Variants in KLF6 observed in about 807,000 individuals in gnomAD.
The protein encoded by KLF6 is KLF transcription factor 6.
For synonymous variants in KLF6, 152 were observed against 147.9 expected, an observed-to-expected ratio of 1.03 and a Z score of -0.20; for missense variants, 233 against 359.8, an observed-to-expected ratio of 0.65 and a Z score of 2.85.
Position 3,776,961 on chromosome 10 carries a change from T to A in KLF6, c.*2578A>T. ...TTTTTTTTTTGTCTTTTGCTTACCTTCTTGCTTAATGGAATTGTTATGGCT... is the reference window on the plus strand; with the variant it reads ...TTTTTTTTTTGTCTTTTGCTTACCTACTTGCTTAATGGAATTGTTATGGCT... On this transcript the variant is annotated 3_prime_UTR_variant, in exon 4 of 4. Coordinates refer to ENST00000497571, the MANE Select transcript of KLF6 (RefSeq NM_001300.6). The A allele has an allele frequency of 3.8e-6, 2 of 519,788 alleles. No individual in the cohort carries two copies. Among genetic ancestry groups the A allele is most frequent in the Non-Finnish European group, 7.5e-6 (2 of 267,782 alleles). 32.2% of individuals were successfully genotyped at this position (519,788 alleles called of 1,614,324 possible).
At chr10:3,783,609 C>T (rs3793919) in intron 1 of KLF6, among the ~76,000 whole-genome samples, 14,433 of 152,288 alleles carry the variant, frequency 0.095, 896 homozygotes, top group Non-Finnish European at 0.13. Flanking sequence ...CCCCCGAAAC[C>T]AGGCGTCTGA....
In KLF6 at chr10:3,781,962, G is replaced by A. The variant is rs757426719; in HGVS notation, c.355C>T (p.Leu119Phe). 1.9e-6 allele frequency: 3 copies of A among 1,614,218 alleles called. No homozygotes were observed. The highest frequency in any genetic ancestry group is 2.2e-5 in the South Asian group (2 of 91,082). ...GAGGTAAACTTGGCCGTGGGAGAAA[G>A]TTCCTCGGAGCTGTCAGAGGATTCG... ...SSESSDSSEE[L>F]SPTAKFTSDP... is the part of the protein sequence containing the mutation. The change falls in exon 2 of 4, where the codon CTT (leucine) becomes TTT (phenylalanine). Residue 119 changes from leucine (L) to phenylalanine (F), a missense_variant. Leu to Phe is a conservative substitution (Grantham distance 22). Transcript: ENST00000497571. This position sits in a 1 kb window ranked among gnomAD's most constrained non-coding sequence, Gnocchi z 5.8.
rs183568609 is a variant in KLF6, at chr10:3,785,169, C to A, written c.-155G>T. On this transcript the variant is annotated 5_prime_UTR_variant, in exon 1 of 4. Transcript: ENST00000497571. ...CCGGACCCTCCCGCAGCCCGCAGCG[C>A]GCGGAGCCCACACAATATTTGCAAA... is the stretch of plus-strand genomic sequence containing the variant. 3.3e-5 allele frequency: 48 copies of A among 1,460,660 alleles called. 1 individual carries two copies. In the African/African-American group the frequency reaches 6.1e-4, roughly 19 times the overall value. The allele number at this position is 1,460,660 out of a possible 1,614,324, so 90.5% of individuals were successfully genotyped here. A position where few individuals can be genotyped will look rare whatever the true frequency, so the allele number is the denominator to read the frequency against.
Position 3,776,932 on chromosome 10 carries a change from C to CTTTT in KLF6, c.*2603_*2606dup. 2.6e-5 allele frequency: 11 copies of CTTTT among 417,578 alleles called. No individual in the cohort carries two copies. Among genetic ancestry groups the CTTTT allele is most frequent in the Non-Finnish European group, 3.7e-5 (8 of 217,014 alleles). The allele number at this position is 417,578 out of a possible 1,614,324, so 25.9% of individuals were successfully genotyped here. ...AAGCCAGTGCAAGTTTTTTTTTTTC[C>CTTTT]TTTTTTTTTTTTTGTCTTTTGCTTA... On this transcript the variant is annotated 3_prime_UTR_variant, in exon 4 of 4. Coordinates refer to ENST00000497571, the MANE Select transcript of KLF6 (RefSeq NM_001300.6).
Position 3,778,870 on chromosome 10 carries a change from A to G in KLF6, c.*669T>C, listed in dbSNP as rs1298018707. The G allele has an allele frequency of 1.9e-6, 1 of 534,260 alleles. No individual in the cohort carries two copies. Among genetic ancestry groups the G allele is most frequent in the Non-Finnish European group, 3.6e-6 (1 of 276,354 alleles). The allele number at this position is 534,260 out of a possible 1,614,324, so 33.1% of individuals were successfully genotyped here. ...TGAGCTATGTTGTAGCGTGTAAAAC[A>G]AGCTACTTGACACATTGCACATTTA... is the stretch of plus-strand genomic sequence containing the variant. On this transcript the variant is annotated 3_prime_UTR_variant, in exon 4 of 4. Coordinates refer to ENST00000497571, the MANE Select transcript of KLF6 (RefSeq NM_001300.6).
At position 3,776,465 on chromosome 10, in the gene KLF6, T is replaced by C. The variant is rs1832377884; in HGVS notation, c.*3074A>G. The C allele has an allele frequency of 7.5e-6, 4 of 531,408 alleles. No homozygotes were observed. The highest frequency in any genetic ancestry group is 1.5e-5 in the Non-Finnish European group (4 of 274,624). 32.9% of individuals were successfully genotyped at this position (531,408 alleles called of 1,614,324 possible). A position where few individuals can be genotyped will look rare whatever the true frequency, so the allele number is the denominator to read the frequency against. On this transcript the variant is annotated 3_prime_UTR_variant, in exon 4 of 4. Transcript: ENST00000497571. ...TTCTCAGGGTTGCTCAATGAAGATT[T>C]GCCCCCAGGAGGAAGCCAGGGTGAT...
rs1166702088 is a variant in KLF6 at position 3,776,426 on chromosome 10, A to G, written c.*3113T>C. 4 of 531,912 alleles carry G rather than the reference A, an allele frequency of 7.5e-6. No homozygotes were observed. The highest frequency in any genetic ancestry group is 7.5e-5 in the African/African-American group (4 of 53,664). 32.9% of individuals were successfully genotyped at this position (531,912 alleles called of 1,614,324 possible). A position where few individuals can be genotyped will look rare whatever the true frequency, so the allele number is the denominator to read the frequency against. On this transcript the variant is annotated 3_prime_UTR_variant, in exon 4 of 4. Coordinates refer to ENST00000497571, the MANE Select transcript of KLF6 (RefSeq NM_001300.6). ...AGGCTGTGGAAAGAGGAAGGGGCTG[A>G]GGTCGGTGAGTTGTTCTCAGGGTTG...
rs1016927624 is a variant in KLF6 at position 3,779,281 on chromosome 10, C to A, written c.*258G>T. ...TTAGCATTCTCAGTGTGCATGCTCA[C>A]GGCAAAGGCTTAGGCGCCGCTCGGA... On this transcript the variant is annotated 3_prime_UTR_variant, in exon 4 of 4. Coordinates refer to ENST00000497571, the MANE Select transcript of KLF6 (RefSeq NM_001300.6). 1 of 638,768 alleles carries A rather than the reference C, an allele frequency of 1.6e-6. No individual in the cohort carries two copies. The highest frequency in any genetic ancestry group is 2.9e-6 in the Non-Finnish European group (1 of 344,984). The allele number at this position is 638,768 out of a possible 1,614,324, so 39.6% of individuals were successfully genotyped here.
Position 3,779,237 on chromosome 10 carries a change from C to T in KLF6, c.*302G>A, listed in dbSNP as rs1424082373. The T allele has an allele frequency of 3.4e-6, 2 of 585,836 alleles. No homozygotes were observed. The highest frequency in any genetic ancestry group is 6.4e-6 in the Non-Finnish European group (2 of 310,832). The allele number at this position is 585,836 out of a possible 1,614,324, so 36.3% of individuals were successfully genotyped here. A position where few individuals can be genotyped will look rare whatever the true frequency, so the allele number is the denominator to read the frequency against. On this transcript the variant is annotated 3_prime_UTR_variant, in exon 4 of 4. Transcript: ENST00000497571. ...CATACGGTCAGTAATAGATCCTCAACATACAATCAACCCAACCATTAGCAT... is the reference window on the plus strand; with the variant it reads ...CATACGGTCAGTAATAGATCCTCAATATACAATCAACCCAACCATTAGCAT...
Position 3,780,428 on chromosome 10 carries a change from G to A in KLF6, c.677-199C>T. 2 of 661,270 alleles carry A rather than the reference G, an allele frequency of 3.0e-6. No individual in the cohort carries two copies. Among genetic ancestry groups the A allele is most frequent in the Non-Finnish European group, 5.5e-6 (2 of 366,170 alleles). 41.0% of individuals were successfully genotyped at this position (661,270 alleles called of 1,614,324 possible). ...ACCCAGTCTCAGGCCTCCCACTGCT[G>A]TCCAAGGGACACAGCTTCAGCCAAG... is the stretch of plus-strand genomic sequence containing the variant. On this transcript the variant is annotated intron_variant, in intron 2 of 3. Transcript: ENST00000497571. The surrounding 1 kb of genome is among the most constrained non-coding windows in gnomAD (Gnocchi z 4.6).
rs1241136166 is a variant in KLF6 at position 3,776,503 on chromosome 10, A to G, written c.*3036T>C. On this transcript the variant is annotated 3_prime_UTR_variant, in exon 4 of 4. Coordinates refer to ENST00000497571, the MANE Select transcript of KLF6 (RefSeq NM_001300.6). ...AAGCCAGGGTGATGAATGCAGGAGGAATCTGTTCCAACAACCCCCTTCCCC... is the reference window on the plus strand; with the variant it reads ...AAGCCAGGGTGATGAATGCAGGAGGGATCTGTTCCAACAACCCCCTTCCCC... 3.8e-6 allele frequency: 2 copies of G among 530,168 alleles called. No individual in the cohort carries two copies. Among genetic ancestry groups the G allele is most frequent in the Non-Finnish European group, 7.3e-6 (2 of 273,720 alleles). 32.8% of individuals were successfully genotyped at this position (530,168 alleles called of 1,614,324 possible).
At position 3,781,260 on chromosome 10, in the gene KLF6, C is replaced by G. The variant is rs1336006380; in HGVS notation, c.676+381G>C. On this transcript the variant is annotated intron_variant, in intron 2 of 3. Coordinates refer to ENST00000497571, the MANE Select transcript of KLF6 (RefSeq NM_001300.6). This position sits in a 1 kb window ranked among gnomAD's most constrained non-coding sequence, Gnocchi z 5.8. ...CTGCCCAGCAACCCTCTGTCCTGAC[C>G]CTTGAGTTTCATTTAGGAAACCCCA... 6 of 637,184 alleles carry G rather than the reference C, an allele frequency of 9.4e-6. No homozygotes were observed. Among genetic ancestry groups the G allele is most frequent in the Non-Finnish European group, 1.5e-5 (6 of 388,084 alleles). The allele number at this position is 637,184 out of a possible 1,614,324, so 39.5% of individuals were successfully genotyped here. A position where few individuals can be genotyped will look rare whatever the true frequency, so the allele number is the denominator to read the frequency against.
rs558122295 is a variant in KLF6 at position 3,779,594 on chromosome 10, C to T, written c.801-4G>A. On this transcript the variant is annotated splice_polypyrimidine_tract_variant and splice_region_variant and intron_variant, in intron 3 of 3. Coordinates refer to ENST00000497571, the MANE Select transcript of KLF6 (RefSeq NM_001300.6). The stretch of plus-strand genomic sequence containing the variant: ...GTGGTCAGACCTGGAAAAACACCTG[C>T]AAGGGCAAATCAGAAGCACAGAAGA... The T allele has an allele frequency of 2.5e-6, 4 of 1,614,046 alleles. No homozygotes were observed. In the South Asian group the frequency reaches 4.4e-5, roughly 18 times the overall value.
intron 1 of KLF6, 24 bp downstream of exon 1, chr10:3,784,889 G>T: frequency 6.3e-7 from 1 of 1,589,558 alleles, no homozygotes; most frequent in African/African-American, 1.4e-5. Flanking sequence ...GCGCCCGCAG[G>T]GAACCGCGGC....
rs375144655 is a variant in KLF6 at position 3,781,826 on chromosome 10, C to G, written c.491G>C (p.Cys164Ser). The change falls in exon 2 of 4, where the codon TGC becomes TCC. Residue 164 changes from cysteine (C) to serine (S), a missense_variant. Cys to Ser is a moderately radical substitution (Grantham distance 112). Transcript: ENST00000497571. The surrounding 1 kb of genome is among the most constrained non-coding windows in gnomAD (Gnocchi z 5.8). ...TGGCGAGGGCAGCTCCCCGGGCACG[C>G]AACCCCACAGTTGAGAAGGTTCCCT... ...LSREPSQLWG[C>S]VPGELPSPGK... The G allele has an allele frequency of 6.2e-7, 1 of 1,614,136 alleles. No individual in the cohort carries two copies. The highest frequency in any genetic ancestry group is 8.5e-7 in the Non-Finnish European group (1 of 1,180,052).
At chr10:3,784,774 G>A in intron 1 of KLF6, 139 bp downstream of exon 1, 1 of 751,786 alleles carries the variant, frequency 1.3e-6, no homozygotes, top group East Asian at 3.3e-5. Context: ...TCGATCGGCG[G>A]GGGCGCTGCG....
In KLF6 at chr10:3,777,646, T is replaced by C. The variant is rs760449615; in HGVS notation, c.*1893A>G. 140 of 492,464 alleles carry C rather than the reference T, an allele frequency of 2.8e-4. 1 individual carries two copies. Among genetic ancestry groups the C allele is most frequent in the Non-Finnish European group, 5.2e-5 (13 of 250,140 alleles). The allele number at this position is 492,464 out of a possible 1,614,324, so 30.5% of individuals were successfully genotyped here. A position where few individuals can be genotyped will look rare whatever the true frequency, so the allele number is the denominator to read the frequency against. ...TATAAAAGTTAGGTTATGGTTTTCA[T>C]TTTTACCTCCTTTATGGCCATTTTG... On this transcript the variant is annotated 3_prime_UTR_variant, in exon 4 of 4. Transcript: ENST00000497571.
Position 3,781,543 on chromosome 10 carries a change from AC to A in KLF6, c.676+97del. ...AGGAAGTGAGGATTTGTCTGCCCTGACCACATCCTGTGCAGCCAGGCCCGGC... is the reference window on the plus strand; with the variant it reads ...AGGAAGTGAGGATTTGTCTGCCCTGACACATCCTGTGCAGCCAGGCCCGGC... On this transcript the variant is annotated intron_variant, in intron 2 of 3. Transcript: ENST00000497571. This position sits in a 1 kb window ranked among gnomAD's most constrained non-coding sequence, Gnocchi z 5.8. 10 of 1,566,118 alleles carry A rather than the reference AC, an allele frequency of 6.4e-6. No homozygotes were observed. The highest frequency in any genetic ancestry group is 8.7e-6 in the Non-Finnish European group (10 of 1,155,506).
chr10:3,777,726 T>TA lies in KLF6; in HGVS notation c.*1812dup, dbSNP rs752724587. ...CTAGCTAAACATTCTAGTTTCTCCT[T>TA]AAAAAAAATATTTATATATTATCTA... On this transcript the variant is annotated 3_prime_UTR_variant, in exon 4 of 4. Coordinates refer to ENST00000497571, the MANE Select transcript of KLF6 (RefSeq NM_001300.6). 2.6e-5 allele frequency: 9 copies of TA among 349,806 alleles called. No homozygotes were observed. Among genetic ancestry groups the TA allele is most frequent in the South Asian group, 1.1e-4 (4 of 37,806 alleles). The allele number at this position is 349,806 out of a possible 1,614,324, so 21.7% of individuals were successfully genotyped here.
Sources: allele counts gnomAD v4.1 joint callset (sites outside exome capture counted in the v4.1 genomes callset), GRCh38; gene constraint gnomAD v4.1.1; non-coding constraint Gnocchi (gnomAD v3.1); transcripts MANE v1.5; gene names NCBI Gene and HGNC (gene_info 2026-07-23, HGNC 2026-07-21).